Variants in PDE3A observed in about 807,000 individuals in gnomAD.
PDE3A encodes cGMP-inhibited 3',5'-cyclic phosphodiesterase 3A.
In PDE3A, 43 loss-of-function variants were observed where a neutral mutation model predicts 98.3. That is an observed-to-expected ratio of 0.44 (90% confidence interval 0.34 to 0.56). The LOEUF (loss-of-function observed/expected upper bound fraction) is 0.56, where lower values mean the gene tolerates loss of function less well. PDE3A is among the 20% of genes least tolerant of loss of function. The pLI is 0.01. For synonymous variants in PDE3A, 663 were observed against 567.9 expected (o/e 1.17, Z -2.38); for missense variants, 1,427 against 1,440.7 (o/e 0.99, Z 0.15).
At chr12:20,396,621 C>T (rs936476286) in intron 1 of PDE3A, among the ~76,000 whole-genome samples, 16 of 151,438 alleles carry the variant, frequency 1.1e-4, no homozygotes, top group Admixed American at 2.6e-4. Context: ...AGTTGAATAA[C>T]GAGTAAACAT....
At chr12:20,509,678 G>A (rs1946184960) in intron 1 of PDE3A, among the ~76,000 whole-genome samples, 1 of 151,924 alleles carries the variant, frequency 6.6e-6, no homozygotes, top group South Asian at 2.1e-4. Context: ...TCTGTTTTCT[G>A]TTTGTTACCA....
chr12:20,647,746 A>G (rs558340078), intron 12 of PDE3A, among the ~76,000 whole-genome samples: 6 of 152,166 alleles, frequency 3.9e-5, no homozygotes, highest in Admixed American at 6.5e-5. Flanking sequence ...TCTTGAATCT[A>G]TATACAATAA....
Position 20,370,152 on chromosome 12 carries a change from A to C in PDE3A, c.868A>C (p.Arg290=), listed in dbSNP as rs142553476. 1 of 1,613,280 alleles carries C rather than the reference A, an allele frequency of 6.2e-7. No individual in the cohort carries two copies. The highest frequency in any genetic ancestry group is 8.5e-7 in the Non-Finnish European group (1 of 1,179,876). Reference sequence around the variant, plus strand: ...AGATATCCCGGTGTTTAAGAGGAGGAGGCGGTCCAGCTCCGTCGTGTCCGC... The same window carrying C: ...AGATATCCCGGTGTTTAAGAGGAGGCGGCGGTCCAGCTCCGTCGTGTCCGC... The part of the protein sequence containing the change: ...KEDIPVFKRR[R]RSSSVVSAEM... The change falls in exon 1 of 16, where the codon AGG becomes CGG. Residue 290 remains arginine (R), a synonymous_variant. Coordinates refer to ENST00000359062, the MANE Select transcript of PDE3A (RefSeq NM_000921.5).
At chr12:20,390,949 T>C (rs1943901567) in intron 1 of PDE3A, among the ~76,000 whole-genome samples, 1 of 151,896 alleles carries the variant, frequency 6.6e-6, no homozygotes, top group African/African-American at 2.4e-5. Context: ...ACAGGGCAGA[T>C]GACTTTTTAC....
chr12:20,521,149 T>G (rs991263778), intron 1 of PDE3A, among the ~76,000 whole-genome samples: 81 of 115,574 alleles, frequency 7.0e-4, no homozygotes, highest in African/African-American at 2.4e-3. Flanking sequence ...TTTTTTTTTT[T>G]GTATTCTTGG....
intron 1 of PDE3A, among the ~76,000 whole-genome samples, chr12:20,457,585 G>C (rs1165396698): frequency 6.6e-6 from 1 of 150,764 alleles, no homozygotes; most frequent in Non-Finnish European, 1.5e-5. Flanking sequence ...TGTTATCTTA[G>C]TGATTGACCC....
intron 1 of PDE3A, among the ~76,000 whole-genome samples, chr12:20,467,170 G>C (rs569254828): frequency 2.0e-5 from 3 of 152,036 alleles, no homozygotes; most frequent in Non-Finnish European, 4.4e-5. Flanking sequence ...TGAGTTCTTA[G>C]TTATTGGTTG....
chr12:20,599,919 C>T (rs1943549738), intron 2 of PDE3A, among the ~76,000 whole-genome samples: 2 of 152,186 alleles, frequency 1.3e-5, no homozygotes, highest in South Asian at 4.1e-4. Context: ...CAGTGACCTT[C>T]CAAATACTAA....
chr12:20,464,036 T>C (rs1229734682), intron 1 of PDE3A, among the ~76,000 whole-genome samples: 5 of 152,180 alleles, frequency 3.3e-5, no homozygotes, highest in Non-Finnish European at 4.4e-5. Flanking sequence ...ACCACTTAGT[T>C]TAGGTTGTTA....
intron 1 of PDE3A, among the ~76,000 whole-genome samples, chr12:20,417,436 A>G (rs1055286145): frequency 2.0e-5 from 3 of 152,254 alleles, no homozygotes; most frequent in Non-Finnish European, 4.4e-5. Context: ...AGTATCAACC[A>G]TAGCCTCGAG....
intron 1 of PDE3A, among the ~76,000 whole-genome samples, chr12:20,389,408 C>A (rs1322814362): frequency 6.6e-6 from 1 of 151,904 alleles, no homozygotes; most frequent in African/African-American, 2.4e-5. Context: ...TTAATGGACA[C>A]AGGAATTTAA....
At chr12:20,489,154 T>C (rs963486679) in intron 1 of PDE3A, among the ~76,000 whole-genome samples, 4 of 152,226 alleles carry the variant, frequency 2.6e-5, no homozygotes, top group Non-Finnish European at 5.9e-5. Context: ...TATAGATTTT[T>C]ACTTGCAGTT....
chr12:20,399,842 T>C (rs1944087570), intron 1 of PDE3A, among the ~76,000 whole-genome samples: 1 of 152,244 alleles, frequency 6.6e-6, no homozygotes, highest in South Asian at 2.1e-4. Context: ...TAACCATATA[T>C]GACAAGGCTT....
At chr12:20,551,638 G>A in intron 1 of PDE3A, 3 of 1,586,902 alleles carry the variant, frequency 1.9e-6, no homozygotes, top group Non-Finnish European at 2.6e-6. Context: ...CGATGAGTGC[G>A]ACATGGCCTT....
intron 1 of PDE3A, chr12:20,450,010 T>G: frequency 1.5e-6 from 1 of 686,852 alleles, no homozygotes; most frequent in South Asian, 1.7e-5. Context: ...ATTAGCTCCA[T>G]CTACCTGGAA....
At chr12:20,663,130 T>A (rs1030590416) in intron 15 of PDE3A, among the ~76,000 whole-genome samples, 4 of 152,142 alleles carry the variant, frequency 2.6e-5, no homozygotes, top group African/African-American at 9.7e-5. Context: ...ATGTTAGGTC[T>A]GTGGTGTGCA....
intron 1 of PDE3A, among the ~76,000 whole-genome samples, chr12:20,509,271 A>C (rs1041641379): frequency 1.3e-5 from 2 of 152,096 alleles, no homozygotes; most frequent in Non-Finnish European, 2.9e-5. Context: ...GACCCATAGC[A>C]TGATATTCTG....
intron 1 of PDE3A, among the ~76,000 whole-genome samples, chr12:20,445,984 G>T (rs1375777994): frequency 6.6e-6 from 1 of 152,072 alleles, no homozygotes; most frequent in East Asian, 1.9e-4. Flanking sequence ...ATAGCATCCA[G>T]ACAGCAGTGC....
intron 1 of PDE3A, among the ~76,000 whole-genome samples, chr12:20,482,409 A>T (rs2121009749): frequency 6.6e-6 from 1 of 152,258 alleles, no homozygotes; most frequent in Non-Finnish European, 1.5e-5. Context: ...TTACTTGGGC[A>T]CATGTAGGGA....
Sources: gnomAD v4.1 joint callset for allele counts (sites outside exome capture counted in the v4.1 genomes callset) on GRCh38, gnomAD v4.1.1 for gene constraint, MANE v1.5 for transcripts, NCBI Gene and HGNC (gene_info 2026-07-23, HGNC 2026-07-21) for gene names.